Variants in NRXN1 observed in about 807,000 individuals in gnomAD.
NRXN1 encodes neurexin 1, also known as neurexin-1.
A neutral mutation model predicts 150.9 loss-of-function variants in NRXN1; 39 were observed. That is an observed-to-expected ratio of 0.26 (90% CI 0.20 to 0.34). The LOEUF (loss-of-function observed/expected upper bound fraction) is 0.34. Among genes scored for constraint, NRXN1 ranks in the 10% least tolerant of loss-of-function variants. NRXN1 has a pLI of 1.00. For missense variants in NRXN1, 1,815 were observed against 1,949.9 expected, an observed-to-expected ratio of 0.93 and a Z score of 1.30; for synonymous variants, 924 against 757.0, an observed-to-expected ratio of 1.22 and a Z score of -3.62.
chr2:50,476,400 A>T, intron 15 of NRXN1, among the ~76,000 whole-genome samples: 1 of 152,162 alleles, frequency 6.6e-6, no homozygotes, highest in East Asian at 1.9e-4. Flanking sequence ...GTCTCAGTGT[A>T]GGCAAGTTAG....
In NRXN1 at chr2:50,841,501, T is replaced by C. The variant is rs147578700; in HGVS notation, c.832+80368A>G. On this transcript the variant is annotated intron_variant, in intron 5 of 22. Coordinates refer to ENST00000401669, the MANE Select transcript of NRXN1 (RefSeq NM_001330078.2). ...TGACAATGTTACATATGTATACGTA[T>C]GTGTGCACATTTTGCCACTGCTAAA... Among the ~76,000 whole-genome samples the C allele has an allele frequency of 9.2e-5, 14 of 152,354 alleles. No homozygotes were observed. The East Asian group carries it at 2.7e-3, about 29-fold the overall frequency.
intron 17 of NRXN1, among the ~76,000 whole-genome samples, chr2:50,464,820 C>T (rs957331308): frequency 1.3e-5 from 2 of 151,880 alleles, no homozygotes; most frequent in African/African-American, 4.8e-5. Context: ...CAAACCCTCA[C>T]TGCTGTGATA....
At chr2:50,589,250 TGA>T (rs1198247391) in intron 8 of NRXN1, 8 of 152,290 alleles carry the variant, frequency 5.3e-5, no homozygotes, top group African/African-American at 1.9e-4. Flanking sequence ...TGTTTGGTAT[TGA>T]GATATGGCAG....
intron 5 of NRXN1, among the ~76,000 whole-genome samples, chr2:50,737,338 G>A (rs1698891116): frequency 6.6e-6 from 1 of 152,116 alleles, no homozygotes; most frequent in Admixed American, 6.5e-5. Flanking sequence ...AATGCCCCAA[G>A]ACCAATAATA....
At chr2:50,654,534 G>A (rs1016960899) in intron 5 of NRXN1, among the ~76,000 whole-genome samples, 2 of 151,820 alleles carry the variant, frequency 1.3e-5, no homozygotes, top group Non-Finnish European at 2.9e-5. Context: ...TAATCCTTTG[G>A]GTACATACCC....
chr2:50,673,852 T>G (rs1214457883), intron 5 of NRXN1, among the ~76,000 whole-genome samples: 1 of 152,074 alleles, frequency 6.6e-6, no homozygotes, highest in African/African-American at 2.4e-5. Context: ...CATGGAATAC[T>G]ATGCAGCCAT....
intron 2 of NRXN1, among the ~76,000 whole-genome samples, chr2:50,972,228 A>G (rs1695118617): frequency 6.6e-6 from 1 of 152,086 alleles, no homozygotes; most frequent in Non-Finnish European, 1.5e-5. Context: ...CTTAAAAAAA[A>G]CTCTCAATAC....
intron 17 of NRXN1, among the ~76,000 whole-genome samples, chr2:50,241,961 A>G (rs953160992): frequency 2.6e-5 from 4 of 151,822 alleles, no homozygotes; most frequent in Non-Finnish European, 5.9e-5. Context: ...TACATGAACA[A>G]TAATATAATT....
At chr2:50,577,737 C>T (rs1005510247) in intron 8 of NRXN1, among the ~76,000 whole-genome samples, 2 of 151,874 alleles carry the variant, frequency 1.3e-5, no homozygotes, top group South Asian at 4.1e-4. Flanking sequence ...CACACACACA[C>T]ACACTAAATG....
intron 5 of NRXN1, among the ~76,000 whole-genome samples, chr2:50,685,658 G>T (rs1691119468): frequency 6.6e-6 from 1 of 152,036 alleles, no homozygotes; most frequent in Non-Finnish European, 1.5e-5. Flanking sequence ...GCAGTCTCTA[G>T]TCTCTTCTCT....
intron 17 of NRXN1, among the ~76,000 whole-genome samples, chr2:50,329,664 TA>T (rs2076690175): frequency 1.1e-4 from 3 of 26,296 alleles, no homozygotes; most frequent in Non-Finnish European, 1.8e-4. Context: ...TATATATATA[TA>T]TATATATATT....
intron 5 of NRXN1, among the ~76,000 whole-genome samples, chr2:50,825,952 T>C (rs1317160578): frequency 6.6e-6 from 1 of 152,336 alleles, no homozygotes; most frequent in Admixed American, 6.5e-5. Context: ...GTTAGAGGTA[T>C]TGTGTTGGCT....
At chr2:50,830,086 T>C (rs1295118571) in intron 5 of NRXN1, among the ~76,000 whole-genome samples, 2 of 147,144 alleles carry the variant, frequency 1.4e-5, no homozygotes, top group Non-Finnish European at 3.0e-5. Flanking sequence ...CATCCGTTTA[T>C]AGAGTCTGCT....
intron 2 of NRXN1, among the ~76,000 whole-genome samples, chr2:50,995,595 A>C (rs1699154673): frequency 1.5e-5 from 2 of 132,516 alleles, no homozygotes; most frequent in South Asian, 4.9e-4. Context: ...ACAGAGCTAG[A>C]CTCTGTCAAA....
chr2:50,656,147 A>G (rs1291370573), intron 5 of NRXN1, among the ~76,000 whole-genome samples: 1 of 151,794 alleles, frequency 6.6e-6, no homozygotes, highest in Admixed American at 6.6e-5. Flanking sequence ...CTTCCAAACT[A>G]TTGTTCCTCA....
intron 5 of NRXN1, among the ~76,000 whole-genome samples, chr2:50,791,137 T>TAAA (rs143234044): frequency 6.7e-6 from 1 of 148,226 alleles, no homozygotes; most frequent in South Asian, 2.1e-4. Context: ...TTTTTTTTTT[T>TAAA]AAAAAAAAAG....
At chr2:50,404,977 G>T (rs1350375922) in intron 17 of NRXN1, among the ~76,000 whole-genome samples, 4 of 152,020 alleles carry the variant, frequency 2.6e-5, no homozygotes. Context: ...CAAAAGCTTG[G>T]TTTGCAGAAC....
At chr2:50,651,410 C>T (rs1685590284) in intron 5 of NRXN1, among the ~76,000 whole-genome samples, 1 of 151,804 alleles carries the variant, frequency 6.6e-6, no homozygotes, top group Non-Finnish European at 1.5e-5. Flanking sequence ...CTCAGGAGCT[C>T]AAGACCAGCC....
chr2:50,804,119 G>A (rs956503646), intron 5 of NRXN1, among the ~76,000 whole-genome samples: 15 of 151,992 alleles, frequency 9.9e-5, no homozygotes, highest in African/African-American at 1.7e-4. Flanking sequence ...TTCAAACAGC[G>A]AATCAGTTCT....
Sources: allele counts gnomAD v4.1 joint callset (sites outside exome capture counted in the v4.1 genomes callset), GRCh38; gene constraint gnomAD v4.1.1; transcripts MANE v1.5; gene names NCBI Gene and HGNC (gene_info 2026-07-23, HGNC 2026-07-21).